The following SRGAP3 variants were observed in gnomAD, a reference collection of about 807,000 sequenced individuals.
SRGAP3 encodes the protein SLIT-ROBO Rho GTPase-activating protein 3.
In SRGAP3, 39 loss-of-function variants were observed where a neutral mutation model predicts 121.1. The observed-to-expected ratio is 0.32, with a 90% CI of 0.25 to 0.42. SRGAP3 has a LOEUF of 0.42. Ranked by LOEUF, SRGAP3 falls within the 10% of genes least tolerant of loss-of-function variation. The pLI, the probability that SRGAP3 is intolerant of heterozygous loss-of-function variation, is 1.00. For synonymous variants in SRGAP3, 601 were observed against 570.0 expected (o/e 1.05, Z -0.77); for missense variants, 1,213 against 1,470.6 (o/e 0.82, Z 2.86).
chr3:9,246,393 G>A (rs1001142790), intron 1 of SRGAP3, among the ~76,000 whole-genome samples: 7 of 152,204 alleles, frequency 4.6e-5, no homozygotes, highest in Non-Finnish European at 7.3e-5. Context: ...CGGGATGAAA[G>A]TAAGAGGGTA....
chr3:8,997,878 G>GTTGTT (rs1553635368), intron 18 of SRGAP3, among the ~76,000 whole-genome samples: 2 of 148,702 alleles, frequency 1.3e-5, no homozygotes, highest in African/African-American at 5.0e-5. Flanking sequence ...ATTCATAGAG[G>GTTGTT]TTTTTTTTTT....
At chr3:9,010,206 G>T (rs1943292602) in intron 18 of SRGAP3, 102 bp downstream of exon 18, 3 of 1,337,724 alleles carry the variant, frequency 2.2e-6, no homozygotes, top group Admixed American at 1.8e-5. Context: ...GACTTGGAAA[G>T]CTGAAGAGGT....
intron 3 of SRGAP3, among the ~76,000 whole-genome samples, chr3:9,286,065 TCATGCCACTG>T (rs1293967656): frequency 6.7e-6 from 1 of 150,312 alleles, no homozygotes; most frequent in Non-Finnish European, 1.5e-5. Flanking sequence ...TGAGCTGTGA[TCATGCCACTG>T]CACTCCAGCC....
rs539144339 is a variant in SRGAP3, at chr3:9,070,269, T to C, written c.487-5688A>G. ...TAAGGATCAGTTGTTAGAAAACAGC[T>C]TCTCAATGATGCAGTCCCTGTGTGC... On this transcript the variant is annotated intron_variant, in intron 4 of 21. Transcript: ENST00000383836. Among the ~76,000 whole-genome samples the C allele has an allele frequency of 2.6e-5, 4 of 152,372 alleles. No homozygotes were observed. In the South Asian group the frequency reaches 8.3e-4, roughly 32 times the overall value.
At chr3:9,229,129 T>C (rs927290378) in intron 1 of SRGAP3, among the ~76,000 whole-genome samples, 2 of 150,950 alleles carry the variant, frequency 1.3e-5, no homozygotes, top group Non-Finnish European at 2.9e-5. Context: ...AGGGTTATTA[T>C]TAAGGGCATA....
At chr3:9,047,977 C>T (rs1444599136) in intron 9 of SRGAP3, among the ~76,000 whole-genome samples, 1 of 152,230 alleles carries the variant, frequency 6.6e-6, no homozygotes, top group Non-Finnish European at 1.5e-5. Context: ...GGCTTGCAGG[C>T]CCCTGAGAGG....
At chr3:9,160,157 G>A (rs1258713013) in intron 1 of SRGAP3, among the ~76,000 whole-genome samples, 2 of 152,184 alleles carry the variant, frequency 1.3e-5, no homozygotes, top group Non-Finnish European at 2.9e-5. Context: ...TTATGGTGCA[G>A]ATTAAAGAGT....
intron 1 of SRGAP3, 53 bp downstream of exon 1, chr3:9,248,832 A>C: frequency 6.3e-7 from 1 of 1,577,952 alleles, no homozygotes; most frequent in Non-Finnish European, 8.7e-7. Context: ...GAACCAGAAC[A>C]AGAGAAAAAC....
At chr3:9,015,273 G>A (rs1226100351) in intron 15 of SRGAP3, among the ~76,000 whole-genome samples, 1 of 149,922 alleles carries the variant, frequency 6.7e-6, no homozygotes, top group African/African-American at 2.5e-5. Context: ...CTGGGTCTAT[G>A]TCCCTTGCGC....
chr3:9,290,606 C>T (rs573343285), intron 3 of SRGAP3, among the ~76,000 whole-genome samples: 1 of 152,254 alleles, frequency 6.6e-6, no homozygotes, highest in East Asian at 1.9e-4. Flanking sequence ...AAAGTGTGGT[C>T]CAAGCTCTAC....
chr3:9,026,306 C>G (rs927610103), intron 13 of SRGAP3, among the ~76,000 whole-genome samples: 1 of 152,094 alleles, frequency 6.6e-6, no homozygotes, highest in Non-Finnish European at 1.5e-5. Flanking sequence ...TTTATTTTTC[C>G]ACTTGATAAT....
chr3:9,310,162 C>G (rs193113014), intron 3 of SRGAP3, among the ~76,000 whole-genome samples: 11 of 152,222 alleles, frequency 7.2e-5, no homozygotes, highest in Admixed American at 1.3e-4. Context: ...CAAGTCAGGA[C>G]CAGGTTTCCT....
At chr3:9,226,364 A>G (rs1277138082) in intron 1 of SRGAP3, among the ~76,000 whole-genome samples, 1 of 152,210 alleles carries the variant, frequency 6.6e-6, no homozygotes, top group Non-Finnish European at 1.5e-5. Context: ...AGTCACCTAG[A>G]ACAAATCTCC....
Position 9,099,164 on chromosome 3 carries a change from C to A in SRGAP3, c.423+5516G>T, listed in dbSNP as rs887860961. ...AAAGCCCTGATTTATTTATAAAATG[C>A]GATGGACATCTTCGAGGCGGGAACG... On this transcript the variant is annotated intron_variant, in intron 3 of 21. Coordinates refer to ENST00000383836, the MANE Select transcript of SRGAP3 (RefSeq NM_014850.4). Among the ~76,000 whole-genome samples, 2 of 152,184 alleles carry A rather than the reference C, an allele frequency of 1.3e-5. 1 individual carries two copies. Among genetic ancestry groups the A allele is most frequent in the Admixed American group, 1.3e-4 (2 of 15,280 alleles).
At chr3:9,304,797 C>T (rs1955129724) in intron 3 of SRGAP3, among the ~76,000 whole-genome samples, 2 of 152,108 alleles carry the variant, frequency 1.3e-5, no homozygotes, top group African/African-American at 4.8e-5. Flanking sequence ...TCCCTTATTC[C>T]TGAAGAAACT....
intron 1 of SRGAP3, among the ~76,000 whole-genome samples, chr3:9,160,208 A>G (rs1950560621): frequency 6.6e-6 from 1 of 152,206 alleles, no homozygotes; most frequent in South Asian, 2.1e-4. Flanking sequence ...TTATAATACT[A>G]CCATAAATTC....
chr3:8,983,308 A>G lies in SRGAP3; in HGVS notation c.*2211T>C, dbSNP rs1479221443. ...AGATGGCCTTTCATATCCAGGAGCTAAAGAGAAGGGTTCATTCTAGGCCAA... is the reference window on the plus strand; with the variant it reads ...AGATGGCCTTTCATATCCAGGAGCTGAAGAGAAGGGTTCATTCTAGGCCAA... On this transcript the variant is annotated 3_prime_UTR_variant, in exon 22 of 22. Coordinates refer to ENST00000383836, the MANE Select transcript of SRGAP3 (RefSeq NM_014850.4). 4.4e-6 allele frequency: 1 copy of G among 227,786 alleles called. No individual in the cohort carries two copies. The highest frequency in any genetic ancestry group is 8.7e-6 in the Non-Finnish European group (1 of 114,788). The allele number at this position is 227,786 out of a possible 1,614,324, so 14.1% of individuals were successfully genotyped here.
intron 3 of SRGAP3, among the ~76,000 whole-genome samples, chr3:9,306,545 T>C (rs897079405): frequency 7.9e-5 from 12 of 152,252 alleles, no homozygotes; most frequent in Non-Finnish European, 2.9e-5. Context: ...TTTATGGTTT[T>C]AGGTATAACA....
At chr3:9,186,500 T>C (rs1951598776) in intron 1 of SRGAP3, among the ~76,000 whole-genome samples, 3 of 152,204 alleles carry the variant, frequency 2.0e-5, no homozygotes, top group Admixed American at 2.0e-4. Flanking sequence ...ATGAAATACC[T>C]ACCACATGCT....
Sources: gnomAD v4.1 joint callset for allele counts (sites outside exome capture counted in the v4.1 genomes callset) on GRCh38, gnomAD v4.1.1 for gene constraint, MANE v1.5 for transcripts, NCBI Gene and HGNC (gene_info 2026-07-23, HGNC 2026-07-21) for gene names.